The following HMGA2 variants were observed in gnomAD, a reference collection of about 807,000 sequenced individuals.
HMGA2 encodes the protein high mobility group protein HMGI-C.
A neutral mutation model predicts 19.1 loss-of-function variants in HMGA2; 8 were observed. The ratio of observed to expected loss-of-function variants is 0.42; its 90% CI spans 0.25 to 0.76. The LOEUF (loss-of-function observed/expected upper bound fraction) is 0.76. HMGA2 is among the 30% of genes least tolerant of loss of function. The pLI is 0.28. For synonymous variants in HMGA2, 60 were observed against 48.8 expected, an observed-to-expected ratio of 1.23 and a Z score of -0.96; for missense variants, 109 against 136.3, an observed-to-expected ratio of 0.80 and a Z score of 1.00.
chr12:65,876,985 C>G (rs1232028169), intron 3 of HMGA2: 1 of 152,232 alleles, frequency 6.6e-6, no homozygotes, highest in Non-Finnish European at 1.5e-5. Context: ...AAAAAACTCA[C>G]ACTCGGGGCT....
intron 3 of HMGA2, among the ~76,000 whole-genome samples, chr12:65,898,513 C>A (rs1340664758): frequency 6.6e-6 from 1 of 151,892 alleles, no homozygotes; most frequent in Non-Finnish European, 1.5e-5. Context: ...TTTTTTTTTC[C>A]CAGTGAAGAA....
intron 3 of HMGA2, among the ~76,000 whole-genome samples, chr12:65,886,120 A>G (rs1195569477): frequency 1.3e-5 from 2 of 152,224 alleles, no homozygotes; most frequent in East Asian, 1.9e-4. Context: ...TGAATCAAGA[A>G]AAAGATCAGA....
chr12:65,954,763 C>G (rs1296882362), intron 4 of HMGA2: 1 of 152,120 alleles, frequency 6.6e-6, no homozygotes, highest in East Asian at 1.9e-4. Context: ...AGTTAATAGT[C>G]TCTTAAAAAT....
chr12:65,946,685 A>G (rs1592462600), intron 3 of HMGA2, among the ~76,000 whole-genome samples: 1 of 152,276 alleles, frequency 6.6e-6, no homozygotes, highest in African/African-American at 2.4e-5. Flanking sequence ...TCCTGGAACC[A>G]TAGATTGTAT....
At chr12:65,941,799 T>C (rs2121293188) in intron 3 of HMGA2, among the ~76,000 whole-genome samples, 1 of 152,356 alleles carries the variant, frequency 6.6e-6, no homozygotes, top group Non-Finnish European at 1.5e-5. Flanking sequence ...GCAAATGTTC[T>C]TGGAACCAAA....
chr12:65,897,948 G>A (rs1375341076), intron 3 of HMGA2, among the ~76,000 whole-genome samples: 1 of 145,906 alleles, frequency 6.9e-6, no homozygotes, highest in Non-Finnish European at 1.5e-5. Flanking sequence ...TGGATGACAA[G>A]AGCAAAACTC....
At chr12:65,845,674 ACTC>A (rs1010738464) in intron 3 of HMGA2, among the ~76,000 whole-genome samples, 2 of 151,850 alleles carry the variant, frequency 1.3e-5, no homozygotes, top group African/African-American at 4.8e-5. Flanking sequence ...AATCAAGCCT[ACTC>A]CTTGTATTCC....
At position 65,946,946 on chromosome 12, in the gene HMGA2, A is replaced by G. The variant is rs186865333; in HGVS notation, c.250-4437A>G. On this transcript the variant is annotated intron_variant, in intron 3 of 4. Transcript: ENST00000403681. ...GCATGTTGTACCCTAAGCTATTTGT[A>G]TATACTTTAACAATGATATTTATTT... is the stretch of plus-strand genomic sequence containing the variant. Among the ~76,000 whole-genome samples the G allele has an allele frequency of 6.2e-4, 94 of 152,222 alleles. 1 individual carries two copies. Among genetic ancestry groups the G allele is most frequent in the Middle Eastern group, 3.4e-3 (1 of 294 alleles).
intron 3 of HMGA2, chr12:65,856,715 ATCTG>A (rs1349767295): frequency 6.6e-6 from 1 of 152,346 alleles, no homozygotes; most frequent in Non-Finnish European, 1.5e-5. Context: ...CTAGGGAAGA[ATCTG>A]TTCCATCTCT....
chr12:65,915,374 C>T, intron 3 of HMGA2: 1 of 1,319,390 alleles, frequency 7.6e-7, no homozygotes, highest in East Asian at 3.2e-5. Context: ...AGTACTCACT[C>T]TAGGCACATG....
At chr12:65,927,745 C>G (rs928553399) in intron 3 of HMGA2, among the ~76,000 whole-genome samples, 4 of 151,866 alleles carry the variant, frequency 2.6e-5, no homozygotes, top group African/African-American at 9.7e-5. Flanking sequence ...CTTCTCTTGT[C>G]CTCAGGTAAT....
At chr12:65,827,933 A>T in intron 1 of HMGA2, 68 bp from the exon 2 acceptor site, 1 of 1,107,556 alleles carries the variant, frequency 9.0e-7, no homozygotes, top group Non-Finnish European at 1.4e-6. Flanking sequence ...AAATATAGCT[A>T]AAGAGTCAGG....
intron 3 of HMGA2, among the ~76,000 whole-genome samples, chr12:65,873,156 T>C (rs772683915): frequency 2.6e-5 from 4 of 152,248 alleles, no homozygotes; most frequent in South Asian, 2.1e-4. Flanking sequence ...TCTACTATAA[T>C]TATTTGTTTA....
At chr12:65,898,860 C>A (rs566842894) in intron 3 of HMGA2, among the ~76,000 whole-genome samples, 5 of 151,986 alleles carry the variant, frequency 3.3e-5, no homozygotes, top group African/African-American at 1.2e-4. Context: ...CTGGATAACA[C>A]AGTGAAACTC....
At chr12:65,894,687 C>A (rs1309600115) in intron 3 of HMGA2, among the ~76,000 whole-genome samples, 4 of 152,108 alleles carry the variant, frequency 2.6e-5, no homozygotes, top group African/African-American at 7.2e-5. Flanking sequence ...TGCAAAACTA[C>A]CTTTAATGGT....
At chr12:65,886,591 A>G (rs1295889220) in intron 3 of HMGA2, among the ~76,000 whole-genome samples, 1 of 151,656 alleles carries the variant, frequency 6.6e-6, no homozygotes, top group Admixed American at 6.6e-5. Context: ...ACTCCTGACC[A>G]TGTGATCTGC....
intron 3 of HMGA2, among the ~76,000 whole-genome samples, chr12:65,907,547 G>A (rs1264782139): frequency 6.6e-6 from 1 of 152,092 alleles, no homozygotes; most frequent in Non-Finnish European, 1.5e-5. Context: ...GAGCAATTCA[G>A]AGAGGAGTCT....
chr12:65,919,057 T>C (rs1875209835), intron 3 of HMGA2, among the ~76,000 whole-genome samples: 1 of 152,170 alleles, frequency 6.6e-6, no homozygotes, highest in Non-Finnish European at 1.5e-5. Flanking sequence ...TTTCATCTAA[T>C]AGAATTTTCC....
In HMGA2 at chr12:65,834,600, C is replaced by T. The variant is rs1870630535; in HGVS notation, c.199-3919C>T. ...ACTCCCTCCCTTCCTCCCTTCCTCC[C>T]TCCCTCCCTCCGTTCCTCCCTGCCT... On this transcript the variant is annotated intron_variant, in intron 2 of 4. Transcript: ENST00000403681. Among the ~76,000 whole-genome samples the T allele has an allele frequency of 4.0e-5, 6 of 149,502 alleles. No homozygotes were observed. In the South Asian group the frequency reaches 1.3e-3, roughly 32 times the overall value.
Sources: allele counts gnomAD v4.1 joint callset (sites outside exome capture counted in the v4.1 genomes callset), GRCh38; gene constraint gnomAD v4.1.1; transcripts MANE v1.5; gene names NCBI Gene and HGNC (gene_info 2026-07-23, HGNC 2026-07-21).